The following SDHA variants were observed in gnomAD, a reference collection of about 807,000 sequenced individuals.
SDHA encodes succinate dehydrogenase [ubiquinone] flavoprotein subunit, mitochondrial.
In SDHA, 48 loss-of-function variants were observed where a neutral mutation model predicts 78.4. The observed-to-expected ratio is 0.61, with a 90% CI of 0.49 to 0.78. The LOEUF (loss-of-function observed/expected upper bound fraction) is 0.78. SDHA is among the 30% of genes least tolerant of loss of function. The pLI, the probability that SDHA is intolerant of heterozygous loss-of-function variation, is 0.00. For synonymous variants in SDHA, 326 were observed against 353.9 expected (o/e 0.92, Z 0.88); for missense variants, 680 against 892.7 (o/e 0.76, Z 3.04).
intron 1 of SDHA, among the ~76,000 whole-genome samples, chr5:220,775 A>G (rs1402757025): frequency 6.6e-6 from 1 of 151,736 alleles, no homozygotes; most frequent in Non-Finnish European, 1.5e-5. Context: ...CTTGAGAACC[A>G]GGGCTCACAG....
Position 250,977 on chromosome 5 carries a change from T to C in SDHA, c.1552-15T>C, listed in dbSNP as rs543628983. 35 of 1,607,184 alleles carry C rather than the reference T, an allele frequency of 2.2e-5. No homozygotes were observed. The Admixed American group carries it at 3.5e-4, about 16-fold the overall frequency. On this transcript the variant is annotated splice_polypyrimidine_tract_variant and intron_variant, in intron 11 of 14. Coordinates refer to ENST00000264932, the MANE Select transcript of SDHA (RefSeq NM_004168.4). The stretch of plus-strand genomic sequence containing the variant: ...CTATGGATTAAAAGTTTACAAATAA[T>C]ATTTTGTGCCACAGTCAATGCAAAA...
intron 7 of SDHA, among the ~76,000 whole-genome samples, chr5:232,387 G>GT (rs1391628270): frequency 6.6e-6 from 1 of 151,952 alleles, no homozygotes; most frequent in Admixed American, 6.6e-5. Flanking sequence ...ATTTTCGAGG[G>GT]TTTTTTCGTT....
the SDHA span, among the ~76,000 whole-genome samples, chr5:262,421 C>T: frequency 6.6e-6 from 1 of 151,984 alleles, no homozygotes; most frequent in African/African-American, 2.4e-5. Context: ...CCTGTCATAT[C>T]ATTACTGGGC....
At chr5:257,688 T>C (rs2126649590), downstream of SDHA, among the ~76,000 whole-genome samples, 2 of 118,622 alleles carry the variant, frequency 1.7e-5, 1 homozygote, top group Admixed American at 1.6e-4. Flanking sequence ...TGCCAGAGCA[T>C]TACTGTGAGC....
chr5:248,920 G>A (rs868262588), intron 11 of SDHA: 6 of 409,260 alleles, frequency 1.5e-5, no homozygotes, highest in African/African-American at 8.9e-5. Flanking sequence ...ACCTCAAATG[G>A]TATGGCCCTT....
chr5:255,893 T>G (rs1737153847), intron 14 of SDHA, among the ~76,000 whole-genome samples: 1 of 152,370 alleles, frequency 6.6e-6, no homozygotes, highest in Admixed American at 6.5e-5. Context: ...TGAGTATTCC[T>G]TCTCTGAAAT....
downstream of SDHA, among the ~76,000 whole-genome samples, chr5:259,355 CGTGTGAGCTCCGCCCCCCGCCACA>C (rs1737398262): frequency 5.1e-5 from 3 of 59,086 alleles, no homozygotes; most frequent in African/African-American, 3.5e-4. Flanking sequence ...AGAGCATTAC[CGTGTGAGCTCCGCCCCCCGCCACA>C]GCATTACCGT....
chr5:236,645 C>T (rs10057678), intron 10 of SDHA, 46 bp downstream of exon 10: 10 of 1,570,886 alleles, frequency 6.4e-6, no homozygotes, highest in Admixed American at 1.7e-5. Flanking sequence ...AGGCGCAGGA[C>T]GTTAGAAAGT....
the SDHA span, among the ~76,000 whole-genome samples, chr5:262,156 CCGT>C: frequency 1.1e-4 from 12 of 105,480 alleles, no homozygotes; most frequent in East Asian, 2.3e-4. Context: ...GCTCCGCCTC[CCGT>C]CAGAGCATTA....
At chr5:262,666 C>G in the SDHA span, among the ~76,000 whole-genome samples, 11 of 152,350 alleles carry the variant, frequency 7.2e-5, no homozygotes, top group South Asian at 2.3e-3. Flanking sequence ...TAGGGACCAC[C>G]AGTTTAAATA....
At chr5:266,754 GACACCGTGGCCGCTGTGTC>G in the SDHA span, among the ~76,000 whole-genome samples, 1 of 152,248 alleles carries the variant, frequency 6.6e-6, no homozygotes, top group Non-Finnish European at 1.5e-5. Context: ...CCGTGCAGTA[GACACCGTGGCCGCTGTGTC>G]TGAGATATTC....
chr5:227,066 A>T (rs1328746594), intron 5 of SDHA, among the ~76,000 whole-genome samples: 1 of 152,004 alleles, frequency 6.6e-6, no homozygotes, highest in African/African-American at 2.4e-5. Flanking sequence ...GCTGGAGTGC[A>T]GTAGCACAAT....
the SDHA span, among the ~76,000 whole-genome samples, chr5:265,247 C>G: frequency 2.6e-3 from 400 of 152,300 alleles, 1 homozygote; most frequent in South Asian, 9.5e-3. Context: ...AGGTGTAAAA[C>G]CATATACTAA....
chr5:235,387 A>T (rs1443052782), intron 9 of SDHA, 48 bp downstream of exon 9: 1 of 1,562,850 alleles, frequency 6.4e-7, no homozygotes, highest in African/African-American at 1.4e-5. Flanking sequence ...GGCTGGGACG[A>T]CGGGGCCCAC....
chr5:243,917 A>G (rs1736287777), intron 11 of SDHA, among the ~76,000 whole-genome samples: 1 of 152,230 alleles, frequency 6.6e-6, no homozygotes, highest in South Asian at 2.1e-4. Flanking sequence ...AACTGTGGGA[A>G]GCATGGTCAT....
chr5:222,371 G>A (rs1332352124), intron 1 of SDHA, among the ~76,000 whole-genome samples: 3 of 137,330 alleles, frequency 2.2e-5, no homozygotes, highest in Non-Finnish European at 3.0e-5. Flanking sequence ...TTTTGGAGAC[G>A]TTGTCTCTCT....
chr5:251,687 G>C (rs1561011335), intron 13 of SDHA: 3 of 1,490,172 alleles, frequency 2.0e-6, no homozygotes, highest in Non-Finnish European at 2.7e-6. Context: ...ACTGATGCCA[G>C]CAGTGGCATC....
intron 6 of SDHA, among the ~76,000 whole-genome samples, chr5:230,500 A>G (rs1735330282): frequency 6.6e-6 from 1 of 152,006 alleles, no homozygotes; most frequent in Non-Finnish European, 1.5e-5. Context: ...GGTGGTGCAC[A>G]CTGTAATCCC....
intron 11 of SDHA, chr5:249,208 T>G (rs550598073): frequency 2.9e-6 from 1 of 343,602 alleles, no homozygotes; most frequent in African/African-American, 2.3e-5. Flanking sequence ...AAGATTGTGC[T>G]TTTAATCTGT....
Sources: allele counts gnomAD v4.1 joint callset (sites outside exome capture counted in the v4.1 genomes callset), GRCh38; gene constraint gnomAD v4.1.1; transcripts MANE v1.5; gene names NCBI Gene and HGNC (gene_info 2026-07-23, HGNC 2026-07-21).